The following TOLLIP variants were observed in gnomAD, a reference collection of about 807,000 sequenced individuals.
TOLLIP encodes toll interacting protein.
Under a neutral mutation model 33.5 loss-of-function variants are expected in TOLLIP, and 16 were observed. The observed-to-expected ratio is 0.48, with a 90% CI of 0.32 to 0.72. The LOEUF is 0.72. Ranked by LOEUF, TOLLIP falls within the 30% of genes least tolerant of loss-of-function variation. The pLI, the probability that TOLLIP is intolerant of heterozygous loss-of-function variation, is 0.03. For missense variants in TOLLIP, 325 were observed against 396.6 expected, an observed-to-expected ratio of 0.82 and a Z score of 1.53; for synonymous variants, 176 against 163.7, an observed-to-expected ratio of 1.07 and a Z score of -0.57.
At position 1,276,759 on chromosome 11, in the gene TOLLIP, G is replaced by A. The variant is rs773105923; in HGVS notation, c.*280C>T. 2 of 1,491,408 alleles carry A rather than the reference G, an allele frequency of 1.3e-6. No individual in the cohort carries two copies. Among genetic ancestry groups the A allele is most frequent in the South Asian group, 1.2e-5 (1 of 82,836 alleles). The allele number at this position is 1,491,408 out of a possible 1,614,324, so 92.4% of individuals were successfully genotyped here. A position where few individuals can be genotyped will look rare whatever the true frequency, so the allele number is the denominator to read the frequency against. ...CTCTCTACAGCAAGAGCATTTTCCA[G>A]AACGGCATGAGAAGGAGAGACGCAC... is the stretch of plus-strand genomic sequence containing the variant. On this transcript the variant is annotated 3_prime_UTR_variant, in exon 6 of 6. Transcript: ENST00000317204.
intron 5 of TOLLIP, among the ~76,000 whole-genome samples, chr11:1,284,949 A>G (rs1187276916): frequency 6.6e-6 from 1 of 152,134 alleles, no homozygotes; most frequent in Non-Finnish European, 1.5e-5. Context: ...CCGACTCCCA[A>G]GGTGGCCTTT....
rs1864333979 is a variant in TOLLIP at position 1,303,281 on chromosome 11, T to A, written c.33+6185A>T. ...CAAGGCAGAGGCGGAAAACCCCTTC[T>A]CATTCAGATGAAACAAAAGCCAGTC... On this transcript the variant is annotated intron_variant, in intron 1 of 5. Coordinates refer to ENST00000317204, the MANE Select transcript of TOLLIP (RefSeq NM_019009.4). The surrounding 1 kb of genome is among the most constrained non-coding windows in gnomAD (Gnocchi z 4.2). 2.0e-5 allele frequency among the ~76,000 whole-genome samples: 3 copies of A among 152,096 alleles called. No individual in the cohort carries two copies.
chr11:1,293,748 T>C (rs998393039), intron 2 of TOLLIP, among the ~76,000 whole-genome samples: 10 of 152,214 alleles, frequency 6.6e-5, no homozygotes, highest in African/African-American at 2.4e-4. Flanking sequence ...GAGCTTGAAC[T>C]GTGTGAGGTG....
rs1169373027 is a variant in TOLLIP, at chr11:1,277,857, A to C, written c.611-604T>G. Among the ~76,000 whole-genome samples the C allele has an allele frequency of 3.9e-5, 6 of 152,114 alleles. No homozygotes were observed. Among genetic ancestry groups the C allele is most frequent in the East Asian group, 3.9e-4 (2 of 5,186 alleles). On this transcript the variant is annotated intron_variant, in intron 5 of 5. Transcript: ENST00000317204. This position sits in a 1 kb window ranked among gnomAD's most constrained non-coding sequence, Gnocchi z 4.2. ...AGCCGATGCCCAGAATGACAACCCC[A>C]CACACACATACAAACTACACCAAGA...
Position 1,295,599 on chromosome 11 carries a change from C to T in TOLLIP, c.183+46G>A, listed in dbSNP as rs199855632. On this transcript the variant is annotated intron_variant, in intron 2 of 5. Coordinates refer to ENST00000317204, the MANE Select transcript of TOLLIP (RefSeq NM_019009.4). ...CCGAAATCCGAAATCCCACCCCCAC[C>T]GAGCGCACCAGCCCCAGGCAGGCAG... is the stretch of plus-strand genomic sequence containing the variant. 2.6e-4 allele frequency: 378 copies of T among 1,456,086 alleles called. No individual in the cohort carries two copies. In the African/African-American group the frequency reaches 4.7e-3, roughly 18 times the overall value. The allele number at this position is 1,456,086 out of a possible 1,614,324, so 90.2% of individuals were successfully genotyped here. A position where few individuals can be genotyped will look rare whatever the true frequency, so the allele number is the denominator to read the frequency against.
At position 1,276,536 on chromosome 11, in the gene TOLLIP, A is replaced by C. The variant is rs149230501; in HGVS notation, c.*503T>G. ...AGCTCACCAGACCCAAGCCCTGGGC[A>C]GGGGCCAGGCTCACAGCAAAGCGCG... On this transcript the variant is annotated 3_prime_UTR_variant, in exon 6 of 6. Coordinates refer to ENST00000317204, the MANE Select transcript of TOLLIP (RefSeq NM_019009.4). The C allele has an allele frequency of 1.7e-6, 1 of 590,160 alleles. No individual in the cohort carries two copies. Among genetic ancestry groups the C allele is most frequent in the Non-Finnish European group, 2.6e-6 (1 of 382,840 alleles). The allele number at this position is 590,160 out of a possible 1,614,324, so 36.6% of individuals were successfully genotyped here. A position where few individuals can be genotyped will look rare whatever the true frequency, so the allele number is the denominator to read the frequency against.
Position 1,295,756 on chromosome 11 carries a change from G to C in TOLLIP, c.72C>G (p.Ile24Met). The change falls in exon 2 of 6, where the codon ATC (isoleucine) becomes ATG (methionine). Residue 24 changes from isoleucine to methionine, a missense_variant. Coordinates refer to ENST00000317204, the MANE Select transcript of TOLLIP (RefSeq NM_019009.4). ...CCTGCCGCTGCTGCTGTGTGGGCGT[G>C]ATGCGGAGGAAGTCCTGCGGGAGCT... is the stretch of plus-strand genomic sequence containing the variant. Reference protein sequence around the residue: ...IGELPQDFLRITPTQQQRQVQ... With the variant: ...IGELPQDFLRMTPTQQQRQVQ... 1 of 1,601,412 alleles carries C rather than the reference G, an allele frequency of 6.2e-7. No individual in the cohort carries two copies. The highest frequency in any genetic ancestry group is 8.5e-7 in the Non-Finnish European group (1 of 1,174,276).
chr11:1,293,230 C>T (rs922574775), intron 2 of TOLLIP, among the ~76,000 whole-genome samples: 1 of 152,006 alleles, frequency 6.6e-6, no homozygotes, highest in Non-Finnish European at 1.5e-5. Flanking sequence ...GGGAGGGTGG[C>T]CCGAGAGCTC....
In TOLLIP at chr11:1,274,951, C is replaced by G. The variant is rs144146461; in HGVS notation, c.*2088G>C. ...AAGCTGCTTCTACAGTAAGCCACTT[C>G]TACAGTAAGCCTTCAAACAGGAAAT... On this transcript the variant is annotated 3_prime_UTR_variant, in exon 6 of 6. Coordinates refer to ENST00000317204, the MANE Select transcript of TOLLIP (RefSeq NM_019009.4). The G allele has an allele frequency of 5.9e-5, 9 of 152,184 alleles. No homozygotes were observed. The highest frequency in any genetic ancestry group is 2.0e-4 in the Admixed American group (3 of 15,294). The allele number at this position is 152,184 out of a possible 1,614,324, so 9.4% of individuals were successfully genotyped here.
At chr11:1,293,528 C>G (rs891613287) in intron 2 of TOLLIP, among the ~76,000 whole-genome samples, 6 of 152,232 alleles carry the variant, frequency 3.9e-5, no homozygotes, top group African/African-American at 1.4e-4. Flanking sequence ...CGCCCAGAAG[C>G]CAAGAGAAGC....
At chr11:1,295,583 GA>G (rs1864087294) in intron 2 of TOLLIP, 61 bp downstream of exon 2, 1 of 1,432,284 alleles carries the variant, frequency 7.0e-7, no homozygotes, top group Non-Finnish European at 9.3e-7. Context: ...GCCGAAATCC[GA>G]AATCCCACCC....
At chr11:1,283,595 T>C (rs1863578031) in intron 5 of TOLLIP, 3 of 454,902 alleles carry the variant, frequency 6.6e-6, no homozygotes, top group Non-Finnish European at 1.3e-5. Flanking sequence ...AAATTTACAA[T>C]GTCTATCAAA....
chr11:1,301,004 C>A lies in TOLLIP; in HGVS notation c.34-5210G>T, dbSNP rs529800311. ...TGTAAACACTGCAAGCAAGGCTCAA[C>A]GAGTCTCAGCGCTAACGCCAGGTTA... On this transcript the variant is annotated intron_variant, in intron 1 of 5. Coordinates refer to ENST00000317204, the MANE Select transcript of TOLLIP (RefSeq NM_019009.4). 9.2e-5 allele frequency among the ~76,000 whole-genome samples: 14 copies of A among 152,384 alleles called. No individual in the cohort carries two copies. In the South Asian group the frequency reaches 2.3e-3, roughly 25 times the overall value.
rs1863907875 is a variant in TOLLIP at position 1,290,784 on chromosome 11, G to A, written c.184-375C>T. 9.9e-6 allele frequency: 2 copies of A among 202,960 alleles called. No homozygotes were observed. The highest frequency in any genetic ancestry group is 2.0e-5 in the Non-Finnish European group (2 of 98,820). The allele number at this position is 202,960 out of a possible 1,614,324, so 12.6% of individuals were successfully genotyped here. A position where few individuals can be genotyped will look rare whatever the true frequency, so the allele number is the denominator to read the frequency against. The stretch of plus-strand genomic sequence containing the variant: ...TCCCGGGACAGAGCTGAGAGCCAGA[G>A]CATGACATGGAGTGTGAACCTGCCC... On this transcript the variant is annotated intron_variant, in intron 2 of 5. Transcript: ENST00000317204. The surrounding 1 kb of genome is among the most constrained non-coding windows in gnomAD (Gnocchi z 4.9).
chr11:1,293,316 A>C (rs1211881199), intron 2 of TOLLIP, among the ~76,000 whole-genome samples: 1 of 152,188 alleles, frequency 6.6e-6, no homozygotes. Context: ...GTACCTAGGG[A>C]TCTGGGGTGG....
intron 5 of TOLLIP, among the ~76,000 whole-genome samples, chr11:1,285,135 CCCTCCCCTAACACCA>C (rs1202795396): frequency 2.0e-5 from 3 of 152,146 alleles, no homozygotes; most frequent in Non-Finnish European, 4.4e-5. Context: ...AGCCCCGAGA[CCCTCCCCTAACACCA>C]CCTCCCCCAA....
intron 5 of TOLLIP, chr11:1,283,617 A>G (rs1198659421): frequency 1.3e-5 from 6 of 454,348 alleles, no homozygotes; most frequent in Non-Finnish European, 2.2e-5. Flanking sequence ...GAAAATTTCA[A>G]AGTTTGTCTA....
At position 1,286,119 on chromosome 11, in the gene TOLLIP, G is replaced by T. The variant is rs1477746185; in HGVS notation, c.520-27C>A. ...TGAAACACAGCGGAGATGGTCCCGG[G>T]GTCAAGGAGGAACATCCACCCATCA... On this transcript the variant is annotated intron_variant, in intron 4 of 5. Transcript: ENST00000317204. The T allele has an allele frequency of 4.5e-6, 7 of 1,545,492 alleles. No homozygotes were observed. In the East Asian group the frequency reaches 1.6e-4, roughly 36 times the overall value.
intron 1 of TOLLIP, 107 bp downstream of exon 1, chr11:1,309,359 G>T: frequency 1.6e-6 from 1 of 613,010 alleles, no homozygotes; most frequent in Non-Finnish European, 2.3e-6. Context: ...CCCCGGGAGA[G>T]CCGCGGAGTC....
Sources: gnomAD v4.1 joint callset for allele counts (sites outside exome capture counted in the v4.1 genomes callset) on GRCh38, gnomAD v4.1.1 for gene constraint, Gnocchi (gnomAD v3.1) non-coding constraint, MANE v1.5 for transcripts, NCBI Gene and HGNC (gene_info 2026-07-23, HGNC 2026-07-21) for gene names.